Variants in PRMT3 observed in about 807,000 individuals in gnomAD.
PRMT3 encodes protein arginine methyltransferase 3, also known as protein arginine N-methyltransferase 3.
In PRMT3, 62 loss-of-function variants were observed where a neutral mutation model predicts 71.9. That is an observed-to-expected ratio of 0.86 (90% confidence interval 0.70 to 1.07). The LOEUF (loss-of-function observed/expected upper bound fraction) is 1.07. Among genes scored for constraint, PRMT3 ranks in the 50% least tolerant of loss-of-function variants. The pLI, the probability that PRMT3 is intolerant of heterozygous loss-of-function variation, is 0.00. For synonymous variants in PRMT3, 213 were observed against 220.4 expected, an observed-to-expected ratio of 0.97 and a Z score of 0.30; for missense variants, 663 against 643.0, an observed-to-expected ratio of 1.03 and a Z score of -0.34.
intron 10 of PRMT3, among the ~76,000 whole-genome samples, chr11:20,428,443 A>T (rs1402285455): frequency 1.3e-5 from 2 of 152,180 alleles, no homozygotes; most frequent in African/African-American, 2.4e-5. Context: ...AACTAATGGG[A>T]TAGTTCTTGC....
At chr11:20,455,842 T>G (rs1332645344) in intron 11 of PRMT3, among the ~76,000 whole-genome samples, 1 of 151,294 alleles carries the variant, frequency 6.6e-6, no homozygotes, top group Admixed American at 6.6e-5. Context: ...ATTGAGACAA[T>G]TGTGTAAAAA....
At chr11:20,394,625 A>G (rs1209898190) in intron 5 of PRMT3, among the ~76,000 whole-genome samples, 1 of 152,200 alleles carries the variant, frequency 6.6e-6, no homozygotes, top group Non-Finnish European at 1.5e-5. Context: ...GTTAAGATCT[A>G]TTGTCTGCAA....
chr11:20,471,044 C>A (rs917148911), intron 13 of PRMT3, among the ~76,000 whole-genome samples: 1 of 151,288 alleles, frequency 6.6e-6, no homozygotes, highest in East Asian at 1.9e-4. Flanking sequence ...AGTGTTTGTT[C>A]CTGTTGTTTG....
At chr11:20,485,957 C>T (rs1162257627) in intron 13 of PRMT3, among the ~76,000 whole-genome samples, 1 of 152,120 alleles carries the variant, frequency 6.6e-6, no homozygotes, top group Non-Finnish European at 1.5e-5. Context: ...GGAAGTAATT[C>T]AAATGTCTAT....
At chr11:20,502,051 A>T (rs1360074076) in intron 15 of PRMT3, among the ~76,000 whole-genome samples, 1 of 152,210 alleles carries the variant, frequency 6.6e-6, no homozygotes, top group Non-Finnish European at 1.5e-5. Flanking sequence ...ATTCTAAAAA[A>T]TACACTGTAA....
chr11:20,403,067 G>A (rs1848985409), intron 8 of PRMT3, 83 bp downstream of exon 8: 2 of 1,018,220 alleles, frequency 2.0e-6, no homozygotes, highest in African/African-American at 1.6e-5. Context: ...CATTGTGATA[G>A]CAATTGATTT....
chr11:20,481,159 C>T (rs1171187226), intron 13 of PRMT3, among the ~76,000 whole-genome samples: 3 of 151,796 alleles, frequency 2.0e-5, no homozygotes, highest in Non-Finnish European at 2.9e-5. Flanking sequence ...CTATGCTATT[C>T]CTTGAGGCTG....
At chr11:20,455,847 TA>T (rs35551575) in intron 11 of PRMT3, among the ~76,000 whole-genome samples, 42 of 144,604 alleles carry the variant, frequency 2.9e-4, no homozygotes, top group East Asian at 6.0e-4. Flanking sequence ...GACAATTGTG[TA>T]AAAAAAAAAA....
intron 8 of PRMT3, among the ~76,000 whole-genome samples, chr11:20,404,806 A>G (rs1235379095): frequency 6.6e-6 from 1 of 152,160 alleles, no homozygotes; most frequent in Non-Finnish European, 1.5e-5. Flanking sequence ...AGGTGATTGT[A>G]AAAATTCCTT....
chr11:20,424,210 G>A (rs1239746287), intron 9 of PRMT3, among the ~76,000 whole-genome samples: 1 of 151,614 alleles, frequency 6.6e-6, no homozygotes, highest in Non-Finnish European at 1.5e-5. Flanking sequence ...AATTGATATG[G>A]GAGTGCAAAT....
intron 11 of PRMT3, among the ~76,000 whole-genome samples, chr11:20,455,682 T>G (rs1850252513): frequency 6.6e-6 from 1 of 151,184 alleles, no homozygotes; most frequent in African/African-American, 2.5e-5. Flanking sequence ...GAAGGAATAC[T>G]GCTACCAAAT....
At chr11:20,475,306 G>A (rs757500534) in intron 13 of PRMT3, among the ~76,000 whole-genome samples, 1 of 152,214 alleles carries the variant, frequency 6.6e-6, no homozygotes, top group Non-Finnish European at 1.5e-5. Context: ...GCCGCTCCCA[G>A]TTGGTTCATC....
chr11:20,476,560 C>T (rs1850791150), intron 13 of PRMT3, among the ~76,000 whole-genome samples: 1 of 152,114 alleles, frequency 6.6e-6, no homozygotes, highest in Admixed American at 6.5e-5. Flanking sequence ...AAAAACTTTG[C>T]CCCTCCCAAA....
intron 9 of PRMT3, among the ~76,000 whole-genome samples, chr11:20,420,944 T>C (rs973107228): frequency 6.6e-6 from 1 of 152,260 alleles, no homozygotes; most frequent in South Asian, 2.1e-4. Context: ...TGTATGTTTA[T>C]GAATACATAC....
chr11:20,487,059 GAAAAA>G (rs11355307), intron 13 of PRMT3, among the ~76,000 whole-genome samples: 3 of 144,928 alleles, frequency 2.1e-5, no homozygotes, highest in African/African-American at 5.2e-5. Flanking sequence ...TCCATCTCAA[GAAAAA>G]AAAAAAAGAA....
At chr11:20,505,471 T>TA (rs1851568525) in intron 15 of PRMT3, among the ~76,000 whole-genome samples, 2 of 152,204 alleles carry the variant, frequency 1.3e-5, no homozygotes, top group Admixed American at 6.5e-5. Flanking sequence ...CACTGTGTTG[T>TA]AAAAATCAAG....
At chr11:20,404,224 T>TTTTTTG (rs1849018355) in intron 8 of PRMT3, among the ~76,000 whole-genome samples, 1 of 95,204 alleles carries the variant, frequency 1.1e-5, no homozygotes, top group African/African-American at 4.4e-5. Context: ...TTTTTTTTTT[T>TTTTTTG]TTTTTTTTTT....
intron 13 of PRMT3, among the ~76,000 whole-genome samples, chr11:20,474,292 A>C (rs565429449): frequency 2.6e-5 from 4 of 152,222 alleles, no homozygotes; most frequent in Non-Finnish European, 5.9e-5. Flanking sequence ...GGAATAGTCA[A>C]GTTGACAGAA....
chr11:20,390,591 G>T (rs1419194969), intron 3 of PRMT3, among the ~76,000 whole-genome samples: 1 of 152,222 alleles, frequency 6.6e-6, no homozygotes, highest in African/African-American at 2.4e-5. Flanking sequence ...AAATACTCAG[G>T]TGATGTTTCT....
Sources: gnomAD v4.1 joint callset for allele counts (sites outside exome capture counted in the v4.1 genomes callset) on GRCh38, gnomAD v4.1.1 for gene constraint, MANE v1.5 for transcripts, NCBI Gene and HGNC (gene_info 2026-07-23, HGNC 2026-07-21) for gene names.